AZIN2: variants seen among roughly 807,000 people sequenced by gnomAD.
AZIN2 encodes the protein ODC antizyme inhibitor-2.
AZIN2 carries 28 observed loss-of-function variants against 47.8 expected under a neutral mutation model. That is an observed-to-expected ratio of 0.59 (90% confidence interval 0.43 to 0.80). The LOEUF (loss-of-function observed/expected upper bound fraction) is 0.80. Ranked by LOEUF, AZIN2 falls within the 30% of genes least tolerant of loss-of-function variation. AZIN2 has a pLI of 0.00. For synonymous variants in AZIN2, 221 were observed against 239.4 expected, an observed-to-expected ratio of 0.92 and a Z score of 0.71; for missense variants, 535 against 582.5, an observed-to-expected ratio of 0.92 and a Z score of 0.84.
Position 33,082,160 on chromosome 1 carries a change from T to A in AZIN2, c.-72-18T>A. 1.8e-6 allele frequency: 2 copies of A among 1,121,934 alleles called. No homozygotes were observed. Among genetic ancestry groups the A allele is most frequent in the Non-Finnish European group, 2.6e-6 (2 of 758,576 alleles). 69.5% of individuals were successfully genotyped at this position (1,121,934 alleles called of 1,614,324 possible). On this transcript the variant is annotated intron_variant, in intron 3 of 11. Transcript: ENST00000294517. ...GCCGGCCCCCCAGCGGTTCCCTTCA[T>A]CTCCCCTCGCCCCGCAGTGTGTTGC...
chr1:33,111,024 T>C (rs1303471435), intron 10 of AZIN2, among the ~76,000 whole-genome samples: 1 of 152,176 alleles, frequency 6.6e-6, no homozygotes, highest in Non-Finnish European at 1.5e-5. Flanking sequence ...AGTCCACCAG[T>C]GGCAAACTTG....
chr1:33,131,772 A>G, the AZIN2 span, among the ~76,000 whole-genome samples: 6 of 152,230 alleles, frequency 3.9e-5, no homozygotes, highest in African/African-American at 1.4e-4. Context: ...AAAATTATCT[A>G]TTAAATATAC....
At chr1:33,101,107 C>T (rs1453766262) in intron 10 of AZIN2, among the ~76,000 whole-genome samples, 2 of 152,240 alleles carry the variant, frequency 1.3e-5, no homozygotes, top group Non-Finnish European at 2.9e-5. Context: ...AGTGATCCAT[C>T]TGGCTCGGCC....
At chr1:33,125,184 C>T (rs1004429156), downstream of AZIN2, among the ~76,000 whole-genome samples, 1 of 152,140 alleles carries the variant, frequency 6.6e-6, no homozygotes, top group African/African-American at 2.4e-5. Flanking sequence ...CATCTCATTC[C>T]AGCTGTAAAG....
intron 10 of AZIN2, among the ~76,000 whole-genome samples, chr1:33,102,744 A>G (rs774216543): frequency 1.4e-4 from 22 of 151,866 alleles, no homozygotes; most frequent in Non-Finnish European, 2.4e-4. Flanking sequence ...ATCACTCCCA[A>G]ATTTCTATCT....
the AZIN2 span, among the ~76,000 whole-genome samples, chr1:33,129,534 C>T: frequency 1.1e-4 from 17 of 152,158 alleles, no homozygotes; most frequent in Non-Finnish European, 1.9e-4. The surrounding 1 kb of genome is among the most constrained non-coding windows in gnomAD (Gnocchi z 4.1). Context: ...TATATGTTTA[C>T]GCATTGTGCA....
intron 10 of AZIN2, among the ~76,000 whole-genome samples, chr1:33,100,987 G>A (rs188227362): frequency 2.6e-5 from 4 of 151,612 alleles, no homozygotes; most frequent in African/African-American, 7.3e-5. Context: ...TCAGCCTCCC[G>A]AGTAGCTGGG....
Position 33,120,137 on chromosome 1 carries a change from C to T in AZIN2, c.1338C>T (p.Asp446=). The T allele has an allele frequency of 1.2e-6, 2 of 1,613,846 alleles. No individual in the cohort carries two copies. The highest frequency in any genetic ancestry group is 1.7e-5 in the Admixed American group (1 of 60,006). The change falls in exon 12 of 12, where the codon GAC becomes GAT. Residue 446 remains aspartate (D), a synonymous_variant. Coordinates refer to ENST00000294517, the MANE Select transcript of AZIN2 (RefSeq NM_052998.4). Reference sequence around the variant, plus strand: ...TGTCCTGCGGCTGGGAGATCACAGACACCCTGTGCGTGGGCCCTGTCTTCA... The same window carrying T: ...TGTCCTGCGGCTGGGAGATCACAGATACCCTGTGCGTGGGCCCTGTCTTCA... ...KPLSCGWEIT[D]TLCVGPVFTP...
intron 9 of AZIN2, 165 bp downstream of exon 9, chr1:33,097,034 G>A: frequency 1.3e-6 from 1 of 753,990 alleles, no homozygotes; most frequent in Non-Finnish European, 2.1e-6. Context: ...CCCACCCCAA[G>A]ACATTTATTT....
chr1:33,088,057 T>C (rs537573123), intron 5 of AZIN2, among the ~76,000 whole-genome samples: 1 of 152,330 alleles, frequency 6.6e-6, no homozygotes, highest in East Asian at 1.9e-4. Context: ...TCTGAATTCC[T>C]AGGCCTCCCT....
intron 9 of AZIN2, 122 bp from the exon 10 acceptor site, chr1:33,097,945 C>T (rs952484531): frequency 4.3e-5 from 29 of 672,704 alleles, no homozygotes; most frequent in Non-Finnish European, 6.4e-5. Context: ...TTGTAGGCCT[C>T]GCCTCATGGT....
intron 11 of AZIN2, 54 bp downstream of exon 11, chr1:33,118,170 A>C (rs761985545): frequency 2.0e-6 from 3 of 1,477,174 alleles, no homozygotes; most frequent in Middle Eastern, 2.0e-4. Flanking sequence ...GGCAGAAACG[A>C]GGGAAACTTG....
At chr1:33,150,755 G>A in the AZIN2 span, among the ~76,000 whole-genome samples, 1 of 152,254 alleles carries the variant, frequency 6.6e-6, no homozygotes, top group East Asian at 1.9e-4. Context: ...GGGAGCTGTA[G>A]GAGGAGTGTG....
At chr1:33,101,887 G>A (rs372074592) in intron 10 of AZIN2, 34 of 778,948 alleles carry the variant, frequency 4.4e-5, no homozygotes, top group South Asian at 1.9e-4. Context: ...TTTCATTGCC[G>A]TGTAGCGCTC....
At chr1:33,138,145 G>A in the AZIN2 span, among the ~76,000 whole-genome samples, 3 of 152,156 alleles carry the variant, frequency 2.0e-5, no homozygotes, top group African/African-American at 7.2e-5. Flanking sequence ...GTAGGCAGAG[G>A]TTACACCCTG....
chr1:33,109,681 T>A (rs1644199457), intron 10 of AZIN2, among the ~76,000 whole-genome samples: 3 of 152,172 alleles, frequency 2.0e-5, no homozygotes, highest in Admixed American at 2.0e-4. Flanking sequence ...GTCCAGTTTA[T>A]CAATTATTTC....
At chr1:33,094,826 C>A in intron 8 of AZIN2, 113 bp downstream of exon 8, 1 of 1,166,078 alleles carries the variant, frequency 8.6e-7, no homozygotes, top group Non-Finnish European at 1.2e-6. Flanking sequence ...GCATGCAGTG[C>A]TTGGTGCTTA....
rs765149179 is a variant in AZIN2, at chr1:33,094,632, C to T, written c.672C>T (p.Thr224=). 20 of 1,614,026 alleles carry T rather than the reference C, an allele frequency of 1.2e-5. No homozygotes were observed. Among genetic ancestry groups the T allele is most frequent in the East Asian group, 4.5e-5 (2 of 44,886 alleles). The change falls in exon 8 of 12, where the codon ACC becomes ACT. Residue 224 remains threonine (T), a synonymous_variant. Transcript: ENST00000294517. The part of the protein sequence containing the change: ...ADARLVFEMG[T]ELGHKMHVLD... ...CCCGGCTCGTGTTTGAAATGGGCAC[C>T]GAGCTGGGTCACAAGATGCACGTTC... is the stretch of plus-strand genomic sequence containing the variant.
chr1:33,101,781 AGG>A (rs2124584239), intron 10 of AZIN2: 1 of 753,132 alleles, frequency 1.3e-6, no homozygotes, highest in East Asian at 2.4e-5. Flanking sequence ...CTTTATAAAA[AGG>A]TATTTTGATG....
Sources: allele counts gnomAD v4.1 joint callset (sites outside exome capture counted in the v4.1 genomes callset), GRCh38; gene constraint gnomAD v4.1.1; non-coding constraint Gnocchi (gnomAD v3.1); transcripts MANE v1.5; gene names NCBI Gene and HGNC (gene_info 2026-07-23, HGNC 2026-07-21).